The following FSTL5 variants were observed in gnomAD, a reference collection of about 807,000 sequenced individuals.
FSTL5 encodes follistatin like 5.
In FSTL5, 62 loss-of-function variants were observed where a neutral mutation model predicts 89.1. The observed-to-expected ratio is 0.70, with a 90% CI of 0.57 to 0.86. The LOEUF is 0.86. Among genes scored for constraint, FSTL5 ranks in the 40% least tolerant of loss-of-function variants. FSTL5 has a pLI of 0.00. For synonymous variants in FSTL5, 383 were observed against 346.2 expected (o/e 1.11, Z -1.18); for missense variants, 1,057 against 1,001.6 (o/e 1.06, Z -0.75).
intron 2 of FSTL5, among the ~76,000 whole-genome samples, chr4:162,082,040 T>C (rs1416800638): frequency 6.6e-6 from 1 of 151,850 alleles, no homozygotes; most frequent in Non-Finnish European, 1.5e-5. Flanking sequence ...TATGAAAATG[T>C]TGGCTTCTCT....
At chr4:161,964,690 G>A (rs1735274120) in intron 3 of FSTL5, among the ~76,000 whole-genome samples, 1 of 152,064 alleles carries the variant, frequency 6.6e-6, no homozygotes, top group African/African-American at 2.4e-5. Flanking sequence ...AATTTATAAT[G>A]TTTGCTTCAT....
At chr4:162,061,813 A>T (rs1738727278) in intron 2 of FSTL5, among the ~76,000 whole-genome samples, 1 of 152,144 alleles carries the variant, frequency 6.6e-6, no homozygotes. Context: ...TAGTACTACT[A>T]GCATAATGAA....
intron 4 of FSTL5, among the ~76,000 whole-genome samples, chr4:161,818,259 A>C (rs371954729): frequency 6.6e-6 from 1 of 152,116 alleles, no homozygotes; most frequent in East Asian, 1.9e-4. Context: ...GAGCAGCCCG[A>C]CTCCAGAGGA....
At chr4:162,064,368 C>G (rs1180727436) in intron 2 of FSTL5, among the ~76,000 whole-genome samples, 1 of 152,008 alleles carries the variant, frequency 6.6e-6, no homozygotes, top group Non-Finnish European at 1.5e-5. Flanking sequence ...GGGCCATGGA[C>G]TACCCAAACA....
chr4:161,471,274 A>C (rs1344325937), intron 13 of FSTL5, among the ~76,000 whole-genome samples: 1 of 152,182 alleles, frequency 6.6e-6, no homozygotes, highest in Non-Finnish European at 1.5e-5. Flanking sequence ...AAGAGTGTTA[A>C]ATTTTATCAC....
intron 6 of FSTL5, among the ~76,000 whole-genome samples, chr4:161,731,363 G>A (rs1207950929): frequency 2.0e-5 from 3 of 151,952 alleles, no homozygotes; most frequent in East Asian, 3.9e-4. Context: ...CCATGTGTTG[G>A]GCGAGGGGCC....
chr4:161,811,157 T>C (rs1730133228), intron 4 of FSTL5, among the ~76,000 whole-genome samples: 1 of 152,050 alleles, frequency 6.6e-6, no homozygotes, highest in Non-Finnish European at 1.5e-5. Context: ...GGAGAACACC[T>C]TTTTGTTGAT....
In FSTL5 at chr4:162,130,470, A is replaced by G. The variant is rs144283410; in HGVS notation, c.-16-19058T>C. ...ACAAAAGCTTATTATCCTTACAACT[A>G]TATTTTTTCAAATGACTATTAGTCT... is the stretch of plus-strand genomic sequence containing the variant. On this transcript the variant is annotated intron_variant, in intron 1 of 15. Transcript: ENST00000306100. Among the ~76,000 whole-genome samples the G allele has an allele frequency of 1.9e-3, 288 of 152,310 alleles. 2 individuals are homozygous for G. Among genetic ancestry groups the G allele is most frequent in the Middle Eastern group, 0.014 (4 of 294 alleles).
intron 4 of FSTL5, among the ~76,000 whole-genome samples, chr4:161,810,546 C>A (rs916612761): frequency 2.0e-5 from 3 of 152,036 alleles, no homozygotes; most frequent in Non-Finnish European, 4.4e-5. Flanking sequence ...ATTAATTTGG[C>A]AATTGGTGCA....
intron 2 of FSTL5, among the ~76,000 whole-genome samples, chr4:162,046,569 A>AC (rs1738188904): frequency 6.6e-6 from 1 of 152,074 alleles, no homozygotes; most frequent in Admixed American, 6.6e-5. Context: ...CCAGGAGAAA[A>AC]TTTATGCCTG....
intron 2 of FSTL5, among the ~76,000 whole-genome samples, chr4:162,081,370 G>A (rs1261390456): frequency 2.6e-5 from 4 of 151,540 alleles, no homozygotes; most frequent in Non-Finnish European, 5.9e-5. Flanking sequence ...CAAAAATTTG[G>A]TCAGAATGAT....
At chr4:161,627,220 G>T (rs1346464677) in intron 7 of FSTL5, among the ~76,000 whole-genome samples, 1 of 151,986 alleles carries the variant, frequency 6.6e-6, no homozygotes, top group African/African-American at 2.4e-5. Context: ...TTACAAAATT[G>T]CCACAGCCAC....
intron 8 of FSTL5, among the ~76,000 whole-genome samples, chr4:161,567,535 C>T (rs2126580690): frequency 6.6e-6 from 1 of 152,164 alleles, no homozygotes; most frequent in African/African-American, 2.4e-5. Flanking sequence ...TACTTGTATA[C>T]ATAGAAGTAA....
At chr4:162,075,615 C>A (rs1729804057) in intron 2 of FSTL5, among the ~76,000 whole-genome samples, 2 of 151,864 alleles carry the variant, frequency 1.3e-5, no homozygotes, top group African/African-American at 4.8e-5. Flanking sequence ...GAAAATTAGT[C>A]TGCACAGTTT....
intron 2 of FSTL5, chr4:162,041,831 C>T (rs1324730503): frequency 3.3e-5 from 5 of 151,942 alleles, no homozygotes; most frequent in Admixed American, 3.3e-4. Context: ...CATACATATT[C>T]TGATGTTACA....
intron 4 of FSTL5, among the ~76,000 whole-genome samples, chr4:161,825,186 T>A (rs1006912279): frequency 6.6e-6 from 1 of 152,148 alleles, no homozygotes; most frequent in African/African-American, 2.4e-5. Context: ...TTATGTGGCG[T>A]ATCACATTTA....
intron 4 of FSTL5, among the ~76,000 whole-genome samples, chr4:161,802,306 C>G (rs914632399): frequency 2.6e-5 from 4 of 151,642 alleles, no homozygotes; most frequent in Non-Finnish European, 1.5e-5. Flanking sequence ...ATTTGTCTAA[C>G]CAGTCAATAT....
chr4:162,062,421 T>C (rs1738751000), intron 2 of FSTL5, among the ~76,000 whole-genome samples: 2 of 151,882 alleles, frequency 1.3e-5, no homozygotes, highest in Non-Finnish European at 2.9e-5. Flanking sequence ...TGGAATTTCC[T>C]GAAAATAAAT....
chr4:161,492,667 C>T (rs1729922290), intron 12 of FSTL5, among the ~76,000 whole-genome samples: 1 of 151,508 alleles, frequency 6.6e-6, no homozygotes, highest in Non-Finnish European at 1.5e-5. Context: ...ATTGAATCAA[C>T]AACATTTTGA....
Sources: gnomAD v4.1 joint callset for allele counts (sites outside exome capture counted in the v4.1 genomes callset) on GRCh38, gnomAD v4.1.1 for gene constraint, MANE v1.5 for transcripts, NCBI Gene and HGNC (gene_info 2026-07-23, HGNC 2026-07-21) for gene names.